Variants in HGD observed in about 807,000 individuals in gnomAD.
The protein encoded by HGD is homogentisate 1,2-dioxygenase, also known as homogentisate oxidase.
A neutral mutation model predicts 60.8 loss-of-function variants in HGD; 61 were observed. That is an observed-to-expected ratio of 1.00 (90% CI 0.82 to 1.24). HGD has a LOEUF of 1.24. HGD is among the 50% of genes most tolerant of loss of function. HGD has a pLI of 0.00. For missense variants in HGD, 542 were observed against 547.1 expected, an observed-to-expected ratio of 0.99 and a Z score of 0.09; for synonymous variants, 212 against 187.7, an observed-to-expected ratio of 1.13 and a Z score of -1.06.
At chr3:120,631,142 C>T (rs1165428756) in intron 13 of HGD, among the ~76,000 whole-genome samples, 3 of 151,668 alleles carry the variant, frequency 2.0e-5, no homozygotes, top group Admixed American at 1.3e-4. Flanking sequence ...GTTTAGTACC[C>T]GAGTGATGAA....
At chr3:120,646,590 C>T (rs1941171814) in intron 8 of HGD, among the ~76,000 whole-genome samples, 1 of 151,728 alleles carries the variant, frequency 6.6e-6, no homozygotes, top group Admixed American at 6.6e-5. Context: ...CACATGTGAC[C>T]CAAGCCAATT....
intron 4 of HGD, among the ~76,000 whole-genome samples, chr3:120,662,570 T>C (rs1474777258): frequency 6.6e-6 from 1 of 152,164 alleles, no homozygotes; most frequent in Non-Finnish European, 1.5e-5. Context: ...GTAACTCTTA[T>C]GTATACTCAG....
rs1576295648 is a variant in HGD at position 120,646,292 on chromosome 3, A to G, written c.624T>C (p.Phe208=). 4 of 1,612,580 alleles carry G rather than the reference A, an allele frequency of 2.5e-6. 1 individual carries two copies. The South Asian group carries it at 3.3e-5, about 13-fold the overall frequency. The change falls in exon 9 of 14, where the codon TTT becomes TTC. Residue 208 remains phenylalanine (F), a synonymous_variant. Transcript: ENST00000283871. Reference sequence around the variant, plus strand: ...CAATTGGTCCAAGGTCAGGTAACTCAAAGTGGACACCATAGACCTCCAAGA... The same window carrying G: ...CAATTGGTCCAAGGTCAGGTAACTCGAAGTGGACACCATAGACCTCCAAGA... ...GYILEVYGVH[F]ELPDLGPIGA... is the part of the protein sequence containing the mutation.
Position 120,647,930 on chromosome 3 carries a change from T to C in HGD, c.435-19A>G, listed in dbSNP as rs1193080222. The C allele has an allele frequency of 6.3e-7, 1 of 1,593,632 alleles. No homozygotes were observed. The highest frequency in any genetic ancestry group is 1.1e-5 in the South Asian group (1 of 90,652). Reference sequence around the variant, plus strand: ...AAAGCATCTGAAACATATAGAGTAATTCTTGTGATTTTCAGTTTTAACATT... The same window carrying C: ...AAAGCATCTGAAACATATAGAGTAACTCTTGTGATTTTCAGTTTTAACATT... On this transcript the variant is annotated intron_variant, in intron 6 of 13. Coordinates refer to ENST00000283871, the MANE Select transcript of HGD (RefSeq NM_000187.4).
At chr3:120,663,252 C>T (rs1707820136) in intron 4 of HGD, among the ~76,000 whole-genome samples, 4 of 152,000 alleles carry the variant, frequency 2.6e-5, no homozygotes, top group Non-Finnish European at 5.9e-5. Context: ...AAGTACTTCC[C>T]CTTCTCTCAG....
chr3:120,666,142 C>T (rs1707894526), intron 4 of HGD, among the ~76,000 whole-genome samples: 1 of 152,132 alleles, frequency 6.6e-6, no homozygotes, highest in Admixed American at 6.5e-5. Flanking sequence ...ACAGAGGTCA[C>T]AAGTCAGAAA....
intron 11 of HGD, 124 bp from the exon 12 acceptor site, chr3:120,638,705 T>C (rs1940865218): frequency 1.7e-6 from 2 of 1,149,264 alleles, no homozygotes; most frequent in Admixed American, 2.0e-5. Context: ...TTATTTTTAT[T>C]CAACTTTTAA....
At chr3:120,653,112 T>G (rs1343831234) in intron 4 of HGD, among the ~76,000 whole-genome samples, 1 of 152,152 alleles carries the variant, frequency 6.6e-6, no homozygotes, top group Non-Finnish European at 1.5e-5. Flanking sequence ...TTCAAGCCCT[T>G]AGAGTTCTAA....
chr3:120,642,524 GAAAA>G (rs1359438845), intron 10 of HGD, among the ~76,000 whole-genome samples: 2 of 152,102 alleles, frequency 1.3e-5, no homozygotes, highest in Non-Finnish European at 2.9e-5. Context: ...CTAGCACTCT[GAAAA>G]AAATACATAA....
chr3:120,656,098 A>G (rs1941488011), intron 4 of HGD, among the ~76,000 whole-genome samples: 1 of 152,216 alleles, frequency 6.6e-6, no homozygotes, highest in Non-Finnish European at 1.5e-5. Context: ...CCTTATAAGA[A>G]GAAGAGATCT....
chr3:120,643,163 G>A (rs61799350), intron 10 of HGD, among the ~76,000 whole-genome samples: 2,005 of 152,118 alleles, frequency 0.013, 18 homozygotes, highest in Non-Finnish European at 0.022. Flanking sequence ...TTGCTCTGTC[G>A]CCCGGGCTGG....
chr3:120,665,388 A>G (rs1412564046), intron 4 of HGD, among the ~76,000 whole-genome samples: 1 of 152,236 alleles, frequency 6.6e-6, no homozygotes, highest in Non-Finnish European at 1.5e-5. Context: ...AATAAGAAAA[A>G]TAAATTTTAA....
intron 4 of HGD, among the ~76,000 whole-genome samples, chr3:120,655,125 C>T (rs150983540): frequency 4.4e-4 from 67 of 152,056 alleles, no homozygotes; most frequent in Middle Eastern, 6.8e-3. Flanking sequence ...AAACAAAAAC[C>T]TTGCTGTGAG....
At chr3:120,653,212 G>A (rs867825277) in intron 4 of HGD, among the ~76,000 whole-genome samples, 2 of 152,154 alleles carry the variant, frequency 1.3e-5, no homozygotes, top group Non-Finnish European at 2.9e-5. Context: ...CAAACCCCAC[G>A]TTTGTCCCTA....
intron 4 of HGD, among the ~76,000 whole-genome samples, chr3:120,664,613 T>C (rs1209538482): frequency 1.3e-5 from 2 of 151,898 alleles, no homozygotes; most frequent in African/African-American, 4.8e-5. Flanking sequence ...CACATTTGTG[T>C]AGAGCCAGGG....
chr3:120,651,924 C>T (rs1576300577), intron 5 of HGD, among the ~76,000 whole-genome samples: 1 of 152,272 alleles, frequency 6.6e-6, no homozygotes, highest in South Asian at 2.1e-4. Flanking sequence ...TTTATATTTA[C>T]TTTTGCTAAT....
intron 11 of HGD, among the ~76,000 whole-genome samples, 198 bp downstream of exon 11, chr3:120,641,391 C>T (rs1472764861): frequency 6.6e-6 from 1 of 152,178 alleles, no homozygotes. Flanking sequence ...GCTATGTTCA[C>T]AGGGGAATGT....
At chr3:120,630,825 T>TATATAAAC (rs1491569082) in intron 13 of HGD, among the ~76,000 whole-genome samples, 1 of 104,120 alleles carries the variant, frequency 9.6e-6, no homozygotes, top group African/African-American at 4.6e-5. Flanking sequence ...TATATATATA[T>TATATAAAC]ACACATACAC....
chr3:120,659,962 G>A (rs1941613368), intron 4 of HGD, among the ~76,000 whole-genome samples: 1 of 151,866 alleles, frequency 6.6e-6, no homozygotes, highest in East Asian at 1.9e-4. Flanking sequence ...GTTGCATAAT[G>A]GGGGTGGATT....
Sources: allele counts gnomAD v4.1 joint callset (sites outside exome capture counted in the v4.1 genomes callset), GRCh38; gene constraint gnomAD v4.1.1; transcripts MANE v1.5; gene names NCBI Gene and HGNC (gene_info 2026-07-23, HGNC 2026-07-21).